The following ALKBH1 variants were observed in gnomAD, a reference collection of about 807,000 sequenced individuals.
ALKBH1 encodes alkB homolog 1, histone H2A dioxygenase, also known as nucleic acid dioxygenase ALKBH1.
ALKBH1 carries 31 observed loss-of-function variants against 36.6 expected under a neutral mutation model. The observed-to-expected ratio is 0.85, with a 90% confidence interval of 0.64 to 1.14. ALKBH1 has a LOEUF of 1.14. Among genes scored for constraint, ALKBH1 ranks in the 50% most tolerant of loss-of-function variants. The pLI is 0.00. For missense variants in ALKBH1, 490 were observed against 497.3 expected (o/e 0.99, Z 0.14); for synonymous variants, 183 against 186.6 (o/e 0.98, Z 0.16).
chr14:77,700,073 A>G (rs1012944493), intron 2 of ALKBH1, among the ~76,000 whole-genome samples: 1 of 151,678 alleles, frequency 6.6e-6, no homozygotes, highest in Non-Finnish European at 1.5e-5. Flanking sequence ...ATAAATAAAT[A>G]AAAATAAATA....
chr14:77,680,055 G>C, intron 3 of ALKBH1, 85 bp from the exon 4 acceptor site: 1 of 996,550 alleles, frequency 1.0e-6, no homozygotes. Context: ...TTAAAATTTA[G>C]TATTACATGG....
intron 3 of ALKBH1, among the ~76,000 whole-genome samples, chr14:77,690,412 CA>C (rs771180862): frequency 6.6e-6 from 1 of 152,170 alleles, no homozygotes; most frequent in Non-Finnish European, 1.5e-5. Flanking sequence ...TGGCTCCTGG[CA>C]GGGAACTTCT....
chr14:77,705,565 C>T (rs1332292396), intron 1 of ALKBH1, among the ~76,000 whole-genome samples: 2 of 152,204 alleles, frequency 1.3e-5, no homozygotes, highest in South Asian at 2.1e-4. Context: ...ACTGACGCTA[C>T]AACTTCTGCT....
chr14:77,705,289 T>A (rs985367669), intron 1 of ALKBH1, among the ~76,000 whole-genome samples: 5 of 151,250 alleles, frequency 3.3e-5, no homozygotes, highest in African/African-American at 4.8e-5. Flanking sequence ...GGCGGGCGCC[T>A]GAAATCCCAG....
chr14:77,705,373 T>C (rs1405677882), intron 1 of ALKBH1, among the ~76,000 whole-genome samples: 1 of 137,296 alleles, frequency 7.3e-6, no homozygotes, highest in African/African-American at 2.8e-5. Context: ...ATTGTGCCAC[T>C]GTACTCCAGC....
Position 77,705,656 on chromosome 14 carries a change from T to C in ALKBH1, c.184-1179A>G, listed in dbSNP as rs370627466. On this transcript the variant is annotated intron_variant, in intron 1 of 5. Transcript: ENST00000216489. ...ATGTGAGTATCTAATGGATGGCTCATTACATTGGTTAAGAGACCCACTATG... is the reference window on the plus strand; with the variant it reads ...ATGTGAGTATCTAATGGATGGCTCACTACATTGGTTAAGAGACCCACTATG... 5.9e-5 allele frequency among the ~76,000 whole-genome samples: 9 copies of C among 152,316 alleles called. No individual in the cohort carries two copies. The East Asian group carries it at 9.6e-4, about 16-fold the overall frequency.
chr14:77,680,677 C>CTTTTTTTTTTTTTTTTTTTTTTTTT (rs1555383644), intron 3 of ALKBH1, among the ~76,000 whole-genome samples: 1 of 124,348 alleles, frequency 8.0e-6, no homozygotes, highest in African/African-American at 3.2e-5. Context: ...ATTAACTACT[C>CTTTTTTTTTTTTTTTTTTTTTTTTT]TTTTTTTTTT....
chr14:77,702,130 C>G (rs186075306), intron 2 of ALKBH1, among the ~76,000 whole-genome samples: 162 of 152,246 alleles, frequency 1.1e-3, no homozygotes, highest in Middle Eastern at 6.8e-3. Flanking sequence ...GAAACCCCAT[C>G]TCTACTAAAA....
chr14:77,701,159 T>G lies in ALKBH1; in HGVS notation c.292+3210A>C, dbSNP rs915353297. 3.3e-5 allele frequency among the ~76,000 whole-genome samples: 5 copies of G among 151,970 alleles called. No individual in the cohort carries two copies. In the East Asian group the frequency reaches 9.6e-4, roughly 29 times the overall value. ...CATGTTCTCCAGATTAAAAAAAAAA[T>G]CTGCCTCTCTATAATTTTCAGTCAT... On this transcript the variant is annotated intron_variant, in intron 2 of 5. Transcript: ENST00000216489.
intron 1 of ALKBH1, 42 bp downstream of exon 1, chr14:77,707,780 G>A (rs757983858): frequency 6.4e-6 from 10 of 1,551,334 alleles, no homozygotes; most frequent in Admixed American, 3.9e-5. Context: ...CAAGACGCGG[G>A]GCAAAGCGAT....
At position 77,674,258 on chromosome 14, in the gene ALKBH1, A is replaced by C. The variant is rs749175034; in HGVS notation, c.741-17T>G. The C allele has an allele frequency of 2.0e-6, 3 of 1,534,662 alleles. 1 individual carries two copies. Among genetic ancestry groups the C allele is most frequent in the South Asian group, 1.3e-5 (1 of 79,478 alleles). On this transcript the variant is annotated splice_polypyrimidine_tract_variant and intron_variant, in intron 5 of 5. Coordinates refer to ENST00000216489, the MANE Select transcript of ALKBH1 (RefSeq NM_006020.3). ...TGTCCAAAGCTACAAAAAATAAGTA[A>C]AAACACACAACAATAAAAAAGTATA...
intron 2 of ALKBH1, among the ~76,000 whole-genome samples, chr14:77,701,180 G>A (rs975587360): frequency 2.6e-5 from 4 of 152,060 alleles, no homozygotes; most frequent in Non-Finnish European, 5.9e-5. Flanking sequence ...ATAATTTTCA[G>A]TCATTGGTCT....
At chr14:77,700,675 A>G (rs965853190) in intron 2 of ALKBH1, among the ~76,000 whole-genome samples, 1 of 152,174 alleles carries the variant, frequency 6.6e-6, no homozygotes, top group African/African-American at 2.4e-5. Flanking sequence ...ATTCCCAAAC[A>G]TATTAGACTA....
chr14:77,697,118 G>T, intron 2 of ALKBH1: 1 of 192,734 alleles, frequency 5.2e-6, no homozygotes, highest in Non-Finnish European at 1.1e-5. Context: ...CCAAAGAAGA[G>T]CAGTGACCTG....
In ALKBH1 at chr14:77,679,900, G is replaced by A. The variant is rs1234952639; in HGVS notation, c.526C>T (p.His176Tyr). ...EKLRWVTVGY[H>Y]YNWDSKKYSA... ...AATACCTTACTGTCCCAGTTATAAT[G>A]GTAGCCTACGGTCACCCAACGCAGT... The change falls in exon 4 of 6, where the codon CAT becomes TAT. Residue 176 changes from histidine to tyrosine, a missense_variant. Physicochemically the swap from His to Tyr is moderately conservative, Grantham distance 83. Transcript: ENST00000216489. 1 of 1,613,948 alleles carries A rather than the reference G, an allele frequency of 6.2e-7. No individual in the cohort carries two copies. Among genetic ancestry groups the A allele is most frequent in the African/African-American group, 1.3e-5 (1 of 74,934 alleles).
At position 77,673,880 on chromosome 14, in the gene ALKBH1, C is replaced by CAGTA; in HGVS notation, c.1101_1102insTACT (p.Glu368TyrfsTer2). ...TGGTCATCCAGATGGCAGAAACCTT[C>CAGTA]TGTACTGATGTCTCTTTTTTCATCC... On this transcript the variant is annotated frameshift_variant, in exon 6 of 6. Transcript: ENST00000216489. LOFTEE classifies it high-confidence loss of function. 1 of 1,614,200 alleles carries CAGTA rather than the reference C, an allele frequency of 6.2e-7. No homozygotes were observed. Among genetic ancestry groups the CAGTA allele is most frequent in the Non-Finnish European group, 8.5e-7 (1 of 1,180,040 alleles).
At chr14:77,675,995 T>TTTA in intron 4 of ALKBH1, 146 bp from the exon 5 acceptor site, 3 of 755,672 alleles carry the variant, frequency 4.0e-6, no homozygotes, top group Non-Finnish European at 6.1e-6. Flanking sequence ...ATTCTTTTCT[T>TTTA]TTCTTTTTTT....
At chr14:77,675,261 C>G (rs1166012362) in intron 5 of ALKBH1, among the ~76,000 whole-genome samples, 1 of 151,408 alleles carries the variant, frequency 6.6e-6, no homozygotes, top group African/African-American at 2.4e-5. Context: ...GATGAAACCC[C>G]ATCTCTACTA....
intron 3 of ALKBH1, among the ~76,000 whole-genome samples, chr14:77,680,443 A>G (rs1349714368): frequency 6.6e-6 from 1 of 152,192 alleles, no homozygotes; most frequent in Non-Finnish European, 1.5e-5. Context: ...GGAAAAAAAA[A>G]GTTTAGCAAA....
Sources: allele counts gnomAD v4.1 joint callset (sites outside exome capture counted in the v4.1 genomes callset), GRCh38; gene constraint gnomAD v4.1.1; transcripts MANE v1.5; gene names NCBI Gene and HGNC (gene_info 2026-07-23, HGNC 2026-07-21).